INTS1: variants seen among roughly 807,000 people sequenced by gnomAD.
INTS1 encodes the protein integrator complex subunit 1.
Under a neutral mutation model 241.6 loss-of-function variants are expected in INTS1, and 137 were observed. That is an observed-to-expected ratio of 0.57 (90% CI 0.49 to 0.65). The LOEUF (loss-of-function observed/expected upper bound fraction) is 0.65. Ranked by LOEUF, INTS1 falls within the 30% of genes least tolerant of loss-of-function variation. The pLI, the probability that INTS1 is intolerant of heterozygous loss-of-function variation, is 0.00. For synonymous variants in INTS1, 1,692 were observed against 1,337.8 expected (o/e 1.26, Z -5.78); for missense variants, 3,073 against 3,032.2 (o/e 1.01, Z -0.32).
chr7:1,497,394 G>A lies in INTS1; in HGVS notation c.1426-80C>T. On this transcript the variant is annotated intron_variant, in intron 10 of 47. Coordinates refer to ENST00000404767, the MANE Select transcript of INTS1 (RefSeq NM_001080453.3). This position sits in a 1 kb window ranked among gnomAD's most constrained non-coding sequence, Gnocchi z 5.3. ...AGGCCCCTTCCCGCAGCACCAACAG[G>A]TATGGCGCCCGAGGGCGCTGCAGTG... The A allele has an allele frequency of 1.4e-6, 2 of 1,461,700 alleles. No homozygotes were observed. The highest frequency in any genetic ancestry group is 1.8e-6 in the Non-Finnish European group (2 of 1,089,514). 90.5% of individuals were successfully genotyped at this position (1,461,700 alleles called of 1,614,324 possible).
In INTS1 at chr7:1,478,497, C is replaced by G. The variant is rs975260077; in HGVS notation, c.4499G>C (p.Gly1500Ala). The part of the protein sequence containing the change: ...AGRRLSDVRG[G>A]LLRLAEALAF... ...CAGGGCCTCGGCCAGGCGCAGGAGC[C>G]CCCCTCGCACTGTGGGAGGTCTGTG... Residue 1500 changes from glycine to alanine, a missense_variant, in exon 33 of 48, where the codon GGG becomes GCG. Physicochemically the swap from Gly to Ala is moderately conservative, Grantham distance 60 (BLOSUM62 0). Transcript: ENST00000404767. 5.0e-6 allele frequency: 8 copies of G among 1,610,412 alleles called. No individual in the cohort carries two copies. In the Admixed American group the frequency reaches 1.2e-4, roughly 24 times the overall value.
chr7:1,483,604 G>A (rs550473125), intron 26 of INTS1, 138 bp downstream of exon 26: 34 of 716,794 alleles, frequency 4.7e-5, no homozygotes, highest in Non-Finnish European at 7.7e-5. Context: ...CTTTAGGAGA[G>A]AAGCCAGGAC....
At chr7:1,494,761 C>A (rs1782762174) in intron 14 of INTS1, 55 bp downstream of exon 14, 2 of 1,526,280 alleles carry the variant, frequency 1.3e-6, no homozygotes, top group South Asian at 2.4e-5. Context: ...CGGCCCGGCA[C>A]CCCGCAGCCC....
chr7:1,493,608 G>T lies in INTS1; in HGVS notation c.2068+146C>A. 3 of 952,612 alleles carry T rather than the reference G, an allele frequency of 3.1e-6. No individual in the cohort carries two copies. Among genetic ancestry groups the T allele is most frequent in the Non-Finnish European group, 4.4e-6 (3 of 684,728 alleles). The allele number at this position is 952,612 out of a possible 1,614,324, so 59.0% of individuals were successfully genotyped here. A position where few individuals can be genotyped will look rare whatever the true frequency, so the allele number is the denominator to read the frequency against. ...ATTCCCAACGGCAGATGTGGAGAAG[G>T]CAGGTCCCCGAGCCTCCCGGGGACC... is the stretch of plus-strand genomic sequence containing the variant. On this transcript the variant is annotated intron_variant, in intron 15 of 47. Coordinates refer to ENST00000404767, the MANE Select transcript of INTS1 (RefSeq NM_001080453.3). The surrounding 1 kb of genome is among the most constrained non-coding windows in gnomAD (Gnocchi z 5.3).
rs1224086694 is a variant in INTS1 at position 1,499,350 on chromosome 7, T to C, written c.855A>G (p.Pro285=). Residue 285 remains proline, a synonymous_variant, in exon 7 of 48, where the codon CCA becomes CCG. Coordinates refer to ENST00000404767, the MANE Select transcript of INTS1 (RefSeq NM_001080453.3). ...CCTCCTCCTCCGTGAGGGAGGGGTG[T>C]GGGCTGCTCCCTGCAAACCAAGGAG... ...VAGDLGAGSS[P]HPSLTEEEDS... is the part of the protein sequence containing the mutation. 1.9e-6 allele frequency: 3 copies of C among 1,581,944 alleles called. No individual in the cohort carries two copies. The South Asian group carries it at 3.5e-5, about 18-fold the overall frequency.
Position 1,481,432 on chromosome 7 carries a change from G to A in INTS1, c.3760C>T (p.Pro1254Ser). The change falls in exon 28 of 48, where the codon CCC becomes TCC. Residue 1254 changes from proline to serine, a missense_variant. Transcript: ENST00000404767. The surrounding 1 kb of genome is among the most constrained non-coding windows in gnomAD (Gnocchi z 6.8). ...LLLFVQSFGIPVSSMSKLLQF... is the reference protein window; with the variant it reads ...LLLFVQSFGISVSSMSKLLQF... ...AGGAGTTTGCTCATGCTGGACACGG[G>A]GATGCCAAACGACTGCACGAACAGC... 1.9e-6 allele frequency: 3 copies of A among 1,612,678 alleles called. No individual in the cohort carries two copies. The highest frequency in any genetic ancestry group is 2.5e-6 in the Non-Finnish European group (3 of 1,179,638).
At position 1,471,228 on chromosome 7, in the gene INTS1, A is replaced by T; in HGVS notation, c.6256-4T>A. 1 of 1,572,410 alleles carries T rather than the reference A, an allele frequency of 6.4e-7. No individual in the cohort carries two copies. The highest frequency in any genetic ancestry group is 8.6e-7 in the Non-Finnish European group (1 of 1,160,262). ...TCATCAGCCGCTGCAGGTTGGTCTGACCGGGGGAAAGGTGGGAGGTGTGTG... is the reference window on the plus strand; with the variant it reads ...TCATCAGCCGCTGCAGGTTGGTCTGTCCGGGGGAAAGGTGGGAGGTGTGTG... On this transcript the variant is annotated splice_polypyrimidine_tract_variant and splice_region_variant and intron_variant, in intron 45 of 47. Transcript: ENST00000404767.
At chr7:1,488,774 C>T (rs756452313) in intron 18 of INTS1, among the ~76,000 whole-genome samples, 8 of 152,216 alleles carry the variant, frequency 5.3e-5, no homozygotes, top group African/African-American at 1.7e-4. Context: ...AGCTCATCGG[C>T]CCTCGCCCAC....
chr7:1,503,023 T>G lies in INTS1; in HGVS notation c.227A>C (p.Lys76Thr). 1 of 1,613,772 alleles carries G rather than the reference T, an allele frequency of 6.2e-7. No individual in the cohort carries two copies. The highest frequency in any genetic ancestry group is 1.1e-5 in the South Asian group (1 of 91,080). ...GGGTGTGGAGGAGAGTTTGGGGCGTTTGGTGAGACCGGTGAGGGCCGAGGC... is the reference window on the plus strand; with the variant it reads ...GGGTGTGGAGGAGAGTTTGGGGCGTGTGGTGAGACCGGTGAGGGCCGAGGC... ...SSASALTGLT[K>T]RPKLSSTPPL... Residue 76 changes from lysine (K) to threonine (T), a missense_variant, in exon 3 of 48, where the codon AAA (lysine) becomes ACA (threonine). Transcript: ENST00000404767.
chr7:1,476,215 G>T lies in INTS1; in HGVS notation c.5378+14C>A. On this transcript the variant is annotated intron_variant, in intron 38 of 47. Transcript: ENST00000404767. ...CACTCCCAGGCAGCATCTGGGGCCG[G>T]GGGGCCTGAGCACCTGTCTCCCCAC... 4 of 1,545,964 alleles carry T rather than the reference G, an allele frequency of 2.6e-6. No homozygotes were observed. The highest frequency in any genetic ancestry group is 3.5e-6 in the Non-Finnish European group (4 of 1,146,544).
chr7:1,490,253 G>A (rs907916579), intron 16 of INTS1, among the ~76,000 whole-genome samples: 3 of 152,206 alleles, frequency 2.0e-5, no homozygotes, highest in South Asian at 2.1e-4. Flanking sequence ...GCGGGATTCC[G>A]AAGTGCGTCC....
chr7:1,495,314 C>T (rs1007840616), intron 13 of INTS1, 119 bp downstream of exon 13: 2 of 1,217,294 alleles, frequency 1.6e-6, no homozygotes, highest in East Asian at 5.1e-5. Flanking sequence ...GGGGCAGGGG[C>T]TGTGCGGGGC....
rs1054226825 is a variant in INTS1, at chr7:1,474,092, C to A, written c.5829+76G>T. ...TGCAGAGGTCCTCCCAGTCCCTCCG[C>A]GAGTGGGTGAGGCAGGCCTGGGCCA... is the stretch of plus-strand genomic sequence containing the variant. On this transcript the variant is annotated intron_variant, in intron 41 of 47. Coordinates refer to ENST00000404767, the MANE Select transcript of INTS1 (RefSeq NM_001080453.3). 4.9e-6 allele frequency: 7 copies of A among 1,439,518 alleles called. 1 individual carries two copies. Among genetic ancestry groups the A allele is most frequent in the South Asian group, 4.2e-5 (3 of 71,034 alleles). 89.2% of individuals were successfully genotyped at this position (1,439,518 alleles called of 1,614,324 possible). A position where few individuals can be genotyped will look rare whatever the true frequency, so the allele number is the denominator to read the frequency against.
rs1226213241 is a variant in INTS1, at chr7:1,485,458, C to T, written c.2988G>A (p.Leu996=). Residue 996 remains leucine, a synonymous_variant, in exon 23 of 48, where the codon CTG becomes CTA. Coordinates refer to ENST00000404767, the MANE Select transcript of INTS1 (RefSeq NM_001080453.3). ...CCCGCAGGCTGCCCTCCGAAAGCAC[C>T]AGCGACAAACCCTGTGGCAGACACT... is the stretch of plus-strand genomic sequence containing the variant. The part of the protein sequence containing the change: ...SRVLAMKGLS[L]VLSEGSLRDG... 6.2e-7 allele frequency: 1 copy of T among 1,612,222 alleles called. No homozygotes were observed. The highest frequency in any genetic ancestry group is 1.3e-5 in the African/African-American group (1 of 74,944).
intron 43 of INTS1, 121 bp downstream of exon 43, chr7:1,472,951 G>A: frequency 1.6e-6 from 1 of 618,422 alleles, no homozygotes; most frequent in South Asian, 2.2e-5. Context: ...CAAGGTCCCA[G>A]GCTCACACAG....
At position 1,480,426 on chromosome 7, in the gene INTS1, G is replaced by C. The variant is rs777921507; in HGVS notation, c.3965C>G (p.Pro1322Arg). ...CTGCTCTGGGCTGCTCTTTGGTTTG[G>C]GTGCCTCTGTGCTGTCTGCAGAGAC... Reference protein sequence around the residue: ...LPPRRDSTEAPKPKSSPEQPI... With the variant: ...LPPRRDSTEARKPKSSPEQPI... Residue 1322 changes from proline to arginine, a missense_variant, in exon 30 of 48, where the codon CCC becomes CGC. By Grantham distance (103) the Pro-to-Arg change is moderately radical. Coordinates refer to ENST00000404767, the MANE Select transcript of INTS1 (RefSeq NM_001080453.3). 1 of 1,613,414 alleles carries C rather than the reference G, an allele frequency of 6.2e-7. No homozygotes were observed. Among genetic ancestry groups the C allele is most frequent in the Non-Finnish European group, 8.5e-7 (1 of 1,179,676 alleles).
At position 1,495,385 on chromosome 7, in the gene INTS1, C is replaced by T. The variant is rs368090183; in HGVS notation, c.1832+48G>A. 3.2e-5 allele frequency: 51 copies of T among 1,572,358 alleles called. 1 individual carries two copies. Among genetic ancestry groups the T allele is most frequent in the South Asian group, 5.7e-5 (5 of 88,462 alleles). ...GGTTGTGCGGGGCCCCGGCTTGTCC[C>T]GGCTCAGTGGGGTGTGGGACAGGGG... On this transcript the variant is annotated intron_variant, in intron 13 of 47. Transcript: ENST00000404767.
intron 10 of INTS1, among the ~76,000 whole-genome samples, chr7:1,498,146 G>A (rs1782954591): frequency 6.6e-6 from 1 of 152,242 alleles, no homozygotes; most frequent in African/African-American, 2.4e-5. Context: ...TCAGAAACCT[G>A]GGTGGCTTTT....
chr7:1,489,145 C>T (rs1414422389), intron 18 of INTS1, among the ~76,000 whole-genome samples, 199 bp downstream of exon 18: 1 of 152,210 alleles, frequency 6.6e-6, no homozygotes, highest in African/African-American at 2.4e-5. Flanking sequence ...TCAATCCACA[C>T]CCCCTCTCCC....
Sources: gnomAD v4.1 joint callset for allele counts (sites outside exome capture counted in the v4.1 genomes callset) on GRCh38, gnomAD v4.1.1 for gene constraint, Gnocchi (gnomAD v3.1) non-coding constraint, MANE v1.5 for transcripts, NCBI Gene and HGNC (gene_info 2026-07-23, HGNC 2026-07-21) for gene names.